The following MYO5A variants were observed in gnomAD, a reference collection of about 807,000 sequenced individuals.
The protein encoded by MYO5A is myosin VA.
In MYO5A, 98 loss-of-function variants were observed where a neutral mutation model predicts 249.7. The observed-to-expected ratio is 0.39, with a 90% CI of 0.33 to 0.46. MYO5A has a LOEUF of 0.46. Ranked by LOEUF, MYO5A falls within the 20% of genes least tolerant of loss-of-function variation. The probability of loss-of-function intolerance (pLI) is 0.98; values close to 1 mark genes in which losing one functional copy is unlikely to be tolerated. For synonymous variants in MYO5A, 778 were observed against 810.6 expected (o/e 0.96, Z 0.68); for missense variants, 1,696 against 2,308.8 (o/e 0.73, Z 5.44).
intron 1 of MYO5A, among the ~76,000 whole-genome samples, chr15:52,485,575 A>C (rs1185022708): frequency 6.6e-6 from 1 of 152,210 alleles, no homozygotes; most frequent in Non-Finnish European, 1.5e-5. Flanking sequence ...AACATGAATC[A>C]GCATAATATT....
At chr15:52,505,188 C>A (rs975297834) in intron 1 of MYO5A, 3 of 764,116 alleles carry the variant, frequency 3.9e-6, no homozygotes, top group South Asian at 2.7e-5. Context: ...CAGCCAAAGC[C>A]ATGGGTTTTG....
Position 52,397,334 on chromosome 15 carries a change from C to T in MYO5A, c.1186G>A (p.Ala396Thr). 1 of 1,614,018 alleles carries T rather than the reference C, an allele frequency of 6.2e-7. No homozygotes were observed. The change falls in exon 10 of 42, where the codon GCC (alanine) becomes ACC (threonine). Residue 396 changes from alanine (A) to threonine (T), a missense_variant. Ala to Thr is a moderately conservative substitution (Grantham distance 58). Coordinates refer to ENST00000399233, the MANE Select transcript of MYO5A (RefSeq NM_001382347.1). Reference protein sequence around the residue: ...TYIKPISKLQATNARDALAKH... With the variant: ...TYIKPISKLQTTNARDALAKH... ...GCCAAAGCATCGCGGGCATTCGTGG[C>T]CTGCAGCTTGGAGATGGGCTTGATG...
intron 27 of MYO5A, among the ~76,000 whole-genome samples, chr15:52,353,260 G>A (rs766123773): frequency 1.8e-4 from 28 of 152,214 alleles, no homozygotes; most frequent in Non-Finnish European, 3.5e-4. Flanking sequence ...ATTATTGTGT[G>A]AAGCAGGAGA....
Position 52,413,310 on chromosome 15 carries a change from TAA to T in MYO5A, c.612+2833_612+2834del, listed in dbSNP as rs879526439. On this transcript the variant is annotated intron_variant, in intron 5 of 41. Transcript: ENST00000399233. Reference sequence around the variant, plus strand: ...CGAGACAGAGCAAGACCCTGTCTCTTAAAAAAAAAAAAGTTTCAGTGTGCTAT... The same window carrying T: ...CGAGACAGAGCAAGACCCTGTCTCTTAAAAAAAAAAGTTTCAGTGTGCTAT... Among the ~76,000 whole-genome samples the T allele has an allele frequency of 1.9e-4, 27 of 145,258 alleles. No individual in the cohort carries two copies. In the East Asian group the frequency reaches 4.0e-3, roughly 21 times the overall value.
At chr15:52,330,250 C>G in intron 35 of MYO5A, 103 bp downstream of exon 35, 1 of 1,445,672 alleles carries the variant, frequency 6.9e-7, no homozygotes, top group South Asian at 1.1e-5. Context: ...CTGATGATGA[C>G]TAATGAAACC....
chr15:52,349,486 T>C (rs888219663), intron 28 of MYO5A, among the ~76,000 whole-genome samples: 2 of 152,140 alleles, frequency 1.3e-5, no homozygotes, highest in African/African-American at 4.8e-5. Context: ...TTGGACCGGG[T>C]CAGCCCATTA....
chr15:52,493,615 T>C (rs1462112643), intron 1 of MYO5A, among the ~76,000 whole-genome samples: 1 of 151,782 alleles, frequency 6.6e-6, no homozygotes, highest in African/African-American at 2.4e-5. Context: ...TGAGCCAAGA[T>C]CATGCCATTG....
intron 24 of MYO5A, 91 bp downstream of exon 24, chr15:52,364,463 A>G (rs2040708924): frequency 2.4e-6 from 3 of 1,257,256 alleles, no homozygotes; most frequent in African/African-American, 1.5e-5. Flanking sequence ...GTAGGTACAC[A>G]GAAGATATGG....
intron 1 of MYO5A, among the ~76,000 whole-genome samples, chr15:52,466,490 C>T (rs974415676): frequency 3.9e-5 from 6 of 152,208 alleles, no homozygotes; most frequent in African/African-American, 1.4e-4. Flanking sequence ...AAGTGAACAG[C>T]CAGACTGGCT....
rs144267403 is a variant in MYO5A, at chr15:52,409,682, T to G, written c.756+651A>C. Among the ~76,000 whole-genome samples, 68 of 152,294 alleles carry G rather than the reference T, an allele frequency of 4.5e-4. 1 individual carries two copies. In the East Asian group the frequency reaches 7.1e-3, roughly 16 times the overall value. The stretch of plus-strand genomic sequence containing the variant: ...AAATCTCACAGCATGAGGCAAGCAG[T>G]AGGTCTACAGAACTGACAGTGTGTG... On this transcript the variant is annotated intron_variant, in intron 6 of 41. Coordinates refer to ENST00000399233, the MANE Select transcript of MYO5A (RefSeq NM_001382347.1).
intron 34 of MYO5A, among the ~76,000 whole-genome samples, chr15:52,332,903 T>G (rs1343758767): frequency 6.6e-6 from 1 of 152,130 alleles, no homozygotes; most frequent in Non-Finnish European, 1.5e-5. Flanking sequence ...AGGCAGAGGT[T>G]GCAGTGAGCC....
chr15:52,383,499 GC>G (rs2041845423), intron 15 of MYO5A, among the ~76,000 whole-genome samples: 1 of 152,176 alleles, frequency 6.6e-6, no homozygotes, highest in Admixed American at 6.5e-5. Flanking sequence ...ATATAACCTT[GC>G]TTTAAGGCTA....
chr15:52,395,400 C>G lies in MYO5A; in HGVS notation c.1401+916G>C, dbSNP rs2042445828. On this transcript the variant is annotated intron_variant, in intron 11 of 41. Coordinates refer to ENST00000399233, the MANE Select transcript of MYO5A (RefSeq NM_001382347.1). ...TGTGTGCATCAACTACAAACCATACCACTTGACCTCTCTCTTTACAAGATG... is the reference window on the plus strand; with the variant it reads ...TGTGTGCATCAACTACAAACCATACGACTTGACCTCTCTCTTTACAAGATG... Among the ~76,000 whole-genome samples, 3 of 152,224 alleles carry G rather than the reference C, an allele frequency of 2.0e-5. No homozygotes were observed. The South Asian group carries it at 6.2e-4, about 32-fold the overall frequency.
Position 52,310,367 on chromosome 15 carries a change from T to C in MYO5A, c.*3329A>G, listed in dbSNP as rs2037737599. 1 of 152,236 alleles carries C rather than the reference T, an allele frequency of 6.6e-6. No homozygotes were observed. The highest frequency in any genetic ancestry group is 2.4e-5 in the African/African-American group (1 of 41,456). 9.4% of individuals were successfully genotyped at this position (152,236 alleles called of 1,614,324 possible). A position where few individuals can be genotyped will look rare whatever the true frequency, so the allele number is the denominator to read the frequency against. ...CAAAAAGGGAAATTACTTTTAAATTTTCAGCTTCAAGTTGTAAGGGTGTGA... is the reference window on the plus strand; with the variant it reads ...CAAAAAGGGAAATTACTTTTAAATTCTCAGCTTCAAGTTGTAAGGGTGTGA... On this transcript the variant is annotated 3_prime_UTR_variant, in exon 42 of 42. Coordinates refer to ENST00000399233, the MANE Select transcript of MYO5A (RefSeq NM_001382347.1).
chr15:52,436,655 G>T (rs2075670157), intron 1 of MYO5A, among the ~76,000 whole-genome samples: 1 of 152,180 alleles, frequency 6.6e-6, no homozygotes. Context: ...TTCTGTGTCT[G>T]TGTTGTTCAA....
chr15:52,466,212 G>A (rs2076349123), intron 1 of MYO5A, among the ~76,000 whole-genome samples: 1 of 152,162 alleles, frequency 6.6e-6, no homozygotes, highest in Non-Finnish European at 1.5e-5. Context: ...TCACACGCCT[G>A]GGAGCTAGCC....
intron 1 of MYO5A, among the ~76,000 whole-genome samples, chr15:52,513,793 A>T (rs1034294430): frequency 1.3e-5 from 2 of 152,180 alleles, no homozygotes; most frequent in African/African-American, 4.8e-5. Flanking sequence ...GGTACCACTC[A>T]GGGGTGTTGA....
chr15:52,477,384 G>A (rs1398966799), intron 1 of MYO5A, among the ~76,000 whole-genome samples: 3 of 152,138 alleles, frequency 2.0e-5, no homozygotes, highest in Non-Finnish European at 4.4e-5. Flanking sequence ...ATCTTCCGAA[G>A]CCTTCTTCTC....
At chr15:52,373,140 T>C (rs1202393101) in intron 20 of MYO5A, among the ~76,000 whole-genome samples, 4 of 152,060 alleles carry the variant, frequency 2.6e-5, no homozygotes, top group Non-Finnish European at 5.9e-5. Context: ...AACAAACTAA[T>C]CTTACTTTTG....
Sources: gnomAD v4.1 joint callset for allele counts (sites outside exome capture counted in the v4.1 genomes callset) on GRCh38, gnomAD v4.1.1 for gene constraint, MANE v1.5 for transcripts, NCBI Gene and HGNC (gene_info 2026-07-23, HGNC 2026-07-21) for gene names.